Variants in PRDM16 observed in about 807,000 individuals in gnomAD.
PRDM16 encodes histone-lysine N-methyltransferase PRDM16.
PRDM16 carries 23 observed loss-of-function variants against 110.6 expected under a neutral mutation model. The ratio of observed to expected loss-of-function variants is 0.21; its 90% confidence interval spans 0.15 to 0.29. The LOEUF (loss-of-function observed/expected upper bound fraction) is 0.29, where lower values mean the gene tolerates loss of function less well. Ranked by LOEUF, PRDM16 falls within the 10% of genes least tolerant of loss-of-function variation. The pLI is 1.00. For missense variants in PRDM16, 1,615 were observed against 1,794.3 expected (o/e 0.90, Z 1.81); for synonymous variants, 799 against 781.8 (o/e 1.02, Z -0.37).
intron 1 of PRDM16, among the ~76,000 whole-genome samples, chr1:3,114,307 A>G (rs559621412): frequency 5.9e-4 from 34 of 57,448 alleles, no homozygotes; most frequent in South Asian, 9.6e-4. Flanking sequence ...ACACGCACGC[A>G]CACACACGCA....
At position 3,350,439 on chromosome 1, in the gene PRDM16, G is replaced by A. The variant is rs966928364; in HGVS notation, c.439-34713G>A. 6.6e-6 allele frequency among the ~76,000 whole-genome samples: 1 copy of A among 152,210 alleles called. No individual in the cohort carries two copies. The highest frequency in any genetic ancestry group is 6.5e-5 in the Admixed American group (1 of 15,292). On this transcript the variant is annotated intron_variant, in intron 3 of 16. Coordinates refer to ENST00000270722, the MANE Select transcript of PRDM16 (RefSeq NM_022114.4). The surrounding 1 kb of genome is among the most constrained non-coding windows in gnomAD (Gnocchi z 7.1). ...CCTCCTGGGCTCTACTGCTCCGTCT[G>A]TGCAGCCTGGGGCTGCAGTCAGGGT...
At chr1:3,105,403 G>A (rs561900911) in intron 1 of PRDM16, among the ~76,000 whole-genome samples, 2 of 152,338 alleles carry the variant, frequency 1.3e-5, no homozygotes, top group Non-Finnish European at 2.9e-5. Flanking sequence ...GCATGGTCTG[G>A]TCAGGGCCCT....
chr1:3,288,059 C>T (rs1640897528), intron 3 of PRDM16, among the ~76,000 whole-genome samples: 1 of 152,240 alleles, frequency 6.6e-6, no homozygotes, highest in Admixed American at 6.5e-5. Flanking sequence ...TACAAGGAGG[C>T]AAGGCCCCTA....
intron 2 of PRDM16, among the ~76,000 whole-genome samples, chr1:3,238,291 G>C (rs77437279): frequency 2.9e-3 from 439 of 152,256 alleles, no homozygotes; most frequent in Middle Eastern, 0.01. Context: ...AGACCTCTGT[G>C]CATTTCAGGA....
intron 6 of PRDM16, among the ~76,000 whole-genome samples, chr1:3,404,538 T>G (rs775549872): frequency 1.9e-4 from 29 of 152,180 alleles, no homozygotes; most frequent in Non-Finnish European, 3.8e-4. Flanking sequence ...CCCCATCTGC[T>G]AGGGGAAGGC....
intron 4 of PRDM16, among the ~76,000 whole-genome samples, chr1:3,387,592 C>T (rs1253773247): frequency 6.6e-6 from 1 of 152,218 alleles, no homozygotes; most frequent in East Asian, 1.9e-4. Flanking sequence ...CACCGACGCT[C>T]CTGCCCATGT....
intron 1 of PRDM16, among the ~76,000 whole-genome samples, chr1:3,070,750 G>C (rs1343069314): frequency 2.6e-5 from 4 of 152,100 alleles, no homozygotes; most frequent in African/African-American, 9.7e-5. Flanking sequence ...CGCCCGGCTC[G>C]TCCCAACAGC....
chr1:3,164,238 A>G lies in PRDM16; in HGVS notation c.38-21887A>G, dbSNP rs1009996798. Among the ~76,000 whole-genome samples, 9 of 152,372 alleles carry G rather than the reference A, an allele frequency of 5.9e-5. No homozygotes were observed. The South Asian group carries it at 1.4e-3, about 25-fold the overall frequency. On this transcript the variant is annotated intron_variant, in intron 1 of 16. Transcript: ENST00000270722. The stretch of plus-strand genomic sequence containing the variant: ...GTTCGTGGTTTTGTAAGGTTTGAAA[A>G]GCGATTTAAAATAATTTTAGGTTGT...
chr1:3,184,841 A>G lies in PRDM16; in HGVS notation c.38-1284A>G, dbSNP rs886092389. 1.2e-4 allele frequency among the ~76,000 whole-genome samples: 19 copies of G among 152,250 alleles called. 5 individuals are homozygous for G. The highest frequency in any genetic ancestry group is 5.8e-4 in the East Asian group (3 of 5,152). ...ATCAGCTTCCTATGCCGAGTGGTGC[A>G]TGTCGGGGGCTGGTCCAGGCTGCGC... On this transcript the variant is annotated intron_variant, in intron 1 of 16. Coordinates refer to ENST00000270722, the MANE Select transcript of PRDM16 (RefSeq NM_022114.4).
rs527640072 is a variant in PRDM16 at position 3,390,721 on chromosome 1, G to A, written c.573+5435G>A. Among the ~76,000 whole-genome samples the A allele has an allele frequency of 3.3e-5, 5 of 152,152 alleles. No homozygotes were observed. Among genetic ancestry groups the A allele is most frequent in the South Asian group, 2.1e-4 (1 of 4,836 alleles). ...CCGGGTCCCGCGTTTCTGTCTGGGCGTGTGCCCTGTCAGGGTTGCGGTTTT... is the reference window on the plus strand; with the variant it reads ...CCGGGTCCCGCGTTTCTGTCTGGGCATGTGCCCTGTCAGGGTTGCGGTTTT... On this transcript the variant is annotated intron_variant, in intron 4 of 16. Transcript: ENST00000270722. This position sits in a 1 kb window ranked among gnomAD's most constrained non-coding sequence, Gnocchi z 5.0.
At chr1:3,263,745 T>C (rs911069253) in intron 3 of PRDM16, among the ~76,000 whole-genome samples, 1 of 152,190 alleles carries the variant, frequency 6.6e-6, no homozygotes, top group Admixed American at 6.5e-5. Context: ...GCAAGATGGA[T>C]ACCAAAGGAG....
At chr1:3,284,435 T>G (rs1640802680) in intron 3 of PRDM16, among the ~76,000 whole-genome samples, 1 of 151,996 alleles carries the variant, frequency 6.6e-6, no homozygotes, top group Non-Finnish European at 1.5e-5. Context: ...AGAAAACCAG[T>G]GTAAGGCGTG....
At chr1:3,074,539 T>C (rs924123401) in intron 1 of PRDM16, among the ~76,000 whole-genome samples, 4 of 151,560 alleles carry the variant, frequency 2.6e-5, no homozygotes, top group Non-Finnish European at 4.4e-5. Context: ...GTCCAGCGTG[T>C]AAGTGACCTC....
intron 3 of PRDM16, among the ~76,000 whole-genome samples, chr1:3,266,610 C>A (rs1214896701): frequency 2.6e-5 from 4 of 152,228 alleles, no homozygotes; most frequent in Non-Finnish European, 5.9e-5. Flanking sequence ...GCGGGAGGCA[C>A]GGGCCTGCAC....
chr1:3,248,527 A>G lies in PRDM16; in HGVS notation c.438+4390A>G, dbSNP rs113269722. 2.2e-3 allele frequency among the ~76,000 whole-genome samples: 334 copies of G among 152,316 alleles called. 5 individuals are homozygous for G. Among genetic ancestry groups the G allele is most frequent in the African/African-American group, 7.7e-3 (322 of 41,566 alleles). ...AAAAAAAACCCTTCAGAAGCTTCGG[A>G]AAAAACGCATCCACCCCAGCCAGCC... On this transcript the variant is annotated intron_variant, in intron 3 of 16. Coordinates refer to ENST00000270722, the MANE Select transcript of PRDM16 (RefSeq NM_022114.4).
At chr1:3,330,524 C>T (rs569169322) in intron 3 of PRDM16, among the ~76,000 whole-genome samples, 1 of 152,168 alleles carries the variant, frequency 6.6e-6, no homozygotes, top group Non-Finnish European at 1.5e-5. Flanking sequence ...CTAGGCATCC[C>T]CACCACATCC....
intron 3 of PRDM16, among the ~76,000 whole-genome samples, chr1:3,344,118 C>T (rs1642320002): frequency 6.6e-6 from 1 of 152,168 alleles, no homozygotes; most frequent in Admixed American, 6.5e-5. Context: ...GGGAGGATCA[C>T]TTGTGGCCAG....
At chr1:3,149,383 A>G (rs1643735635) in intron 1 of PRDM16, among the ~76,000 whole-genome samples, 1 of 152,026 alleles carries the variant, frequency 6.6e-6, no homozygotes, top group African/African-American at 2.4e-5. Flanking sequence ...GATGGGGAGA[A>G]CTGAGCCCCG....
intron 3 of PRDM16, among the ~76,000 whole-genome samples, chr1:3,263,422 G>A (rs1338187926): frequency 6.6e-6 from 1 of 152,252 alleles, no homozygotes; most frequent in Non-Finnish European, 1.5e-5. Context: ...CCACCTGTTG[G>A]TGGTGGGAAC....
Sources: gnomAD v4.1 joint callset for allele counts (sites outside exome capture counted in the v4.1 genomes callset) on GRCh38, gnomAD v4.1.1 for gene constraint, Gnocchi (gnomAD v3.1) non-coding constraint, MANE v1.5 for transcripts, NCBI Gene and HGNC (gene_info 2026-07-23, HGNC 2026-07-21) for gene names.